The following GABRA3 variants were observed in gnomAD, a reference collection of about 807,000 sequenced individuals.
The protein encoded by GABRA3 is gamma-aminobutyric acid receptor subunit alpha-3.
Under a neutral mutation model 30.1 loss-of-function variants are expected in GABRA3, and 10 were observed. That is an observed-to-expected ratio of 0.33 (90% CI 0.20 to 0.56). The LOEUF (loss-of-function observed/expected upper bound fraction) is 0.56. Ranked by LOEUF, GABRA3 falls within the 20% of genes least tolerant of loss-of-function variation. The pLI is 0.89. For synonymous variants in GABRA3, 151 were observed against 146.8 expected, an observed-to-expected ratio of 1.03 and a Z score of -0.21; for missense variants, 233 against 392.0, an observed-to-expected ratio of 0.59 and a Z score of 3.42.
At chrX:152,237,720 T>G (rs1184407614) in intron 5 of GABRA3, among the ~76,000 whole-genome samples, 2 of 105,714 alleles carry the variant, frequency 1.9e-5, no homozygotes, top group Non-Finnish European at 1.9e-5. Context: ...CCCTTGTAAG[T>G]TGGATTCCTA....
intron 9 of GABRA3, among the ~76,000 whole-genome samples, chrX:152,174,547 A>C (rs1222937482): frequency 8.9e-6 from 1 of 112,135 alleles, no homozygotes; most frequent in Non-Finnish European, 1.9e-5. Flanking sequence ...GCCAGTGATG[A>C]TGAGCATTTT....
At chrX:152,419,732 A>G (rs1197028543) in intron 1 of GABRA3, among the ~76,000 whole-genome samples, 1 of 110,425 alleles carries the variant, frequency 9.1e-6, no homozygotes, top group Non-Finnish European at 1.9e-5. Flanking sequence ...GAATGTAAAG[A>G]AAAAAAAATA....
intron 5 of GABRA3, among the ~76,000 whole-genome samples, chrX:152,238,900 C>G (rs1178783266): frequency 1.2e-4 from 13 of 111,257 alleles, no homozygotes; most frequent in African/African-American, 4.3e-4. Context: ...CTTCATTAGC[C>G]TTGCTAGTGG....
chrX:152,252,650 CTTTAA>C (rs1393216917), intron 5 of GABRA3, among the ~76,000 whole-genome samples: 3 of 111,582 alleles, frequency 2.7e-5, no homozygotes, highest in Admixed American at 1.9e-4. Flanking sequence ...TGTTTTGAAA[CTTTAA>C]TTTATCAGTC....
At chrX:152,264,340 G>A (rs1057375550) in intron 4 of GABRA3, among the ~76,000 whole-genome samples, 2 of 111,467 alleles carry the variant, frequency 1.8e-5, no homozygotes, top group South Asian at 7.4e-4. Context: ...AAAAGTGGGG[G>A]AACAAATAAG....
chrX:152,237,987 C>T (rs915684813), intron 5 of GABRA3, among the ~76,000 whole-genome samples: 50 of 109,839 alleles, frequency 4.6e-4, no homozygotes, highest in African/African-American at 1.7e-3. Flanking sequence ...CCTTTATTTC[C>T]TTCTCCTGCC....
intron 1 of GABRA3, among the ~76,000 whole-genome samples, chrX:152,383,407 A>AG (rs1929202479): frequency 9.7e-6 from 1 of 103,227 alleles, no homozygotes; most frequent in African/African-American, 3.7e-5. Context: ...AAAAAAAAAA[A>AG]AAAGAAAGAA....
At chrX:152,237,206 C>T (rs1175691466) in intron 5 of GABRA3, among the ~76,000 whole-genome samples, 1 of 111,398 alleles carries the variant, frequency 9.0e-6, no homozygotes, top group Non-Finnish European at 1.9e-5. Flanking sequence ...TTTCAGCTTT[C>T]TCCATATGGC....
chrX:152,421,987 G>A lies in GABRA3; in HGVS notation c.-27+29159C>T, dbSNP rs192214327. On this transcript the variant is annotated intron_variant, in intron 1 of 9. Transcript: ENST00000370314. Reference sequence around the variant, plus strand: ...TGAACAAAAACTTTGGAAACTTCTTGGCAGTATCTAATAAGTTGAAAATAT... The same window carrying A: ...TGAACAAAAACTTTGGAAACTTCTTAGCAGTATCTAATAAGTTGAAAATAT... Among the ~76,000 whole-genome samples, 3 of 111,267 alleles carry A rather than the reference G, an allele frequency of 2.7e-5. No homozygotes were observed. The East Asian group carries it at 8.5e-4, about 31-fold the overall frequency.
intron 3 of GABRA3, among the ~76,000 whole-genome samples, chrX:152,291,662 T>C (rs1257141196): frequency 9.0e-6 from 1 of 111,343 alleles, no homozygotes; most frequent in Non-Finnish European, 1.9e-5. Flanking sequence ...CATAAATAGC[T>C]CTTATTATTT....
At chrX:152,252,576 T>A (rs1938574692) in intron 5 of GABRA3, among the ~76,000 whole-genome samples, 1 of 111,694 alleles carries the variant, frequency 9.0e-6, no homozygotes, top group Non-Finnish European at 1.9e-5. Flanking sequence ...ATATTTTAAG[T>A]ACTATATTGA....
intron 2 of GABRA3, among the ~76,000 whole-genome samples, chrX:152,347,559 C>T (rs1299965328): frequency 9.0e-6 from 1 of 111,209 alleles, no homozygotes; most frequent in African/African-American, 3.3e-5. Context: ...TTTCATATTG[C>T]ATGCCTGTAT....
intron 1 of GABRA3, among the ~76,000 whole-genome samples, chrX:152,365,359 C>T (rs1446818222): frequency 2.7e-5 from 3 of 111,717 alleles, no homozygotes; most frequent in Non-Finnish European, 5.6e-5. Context: ...TCCAAGCCTA[C>T]TTCCTGACAC....
Position 152,442,838 on chromosome X carries a change from A to G in GABRA3, c.-27+8308T>C, listed in dbSNP as rs770048047. On this transcript the variant is annotated intron_variant, in intron 1 of 9. Transcript: ENST00000370314. ...AATTGGCAGGGAAAACAATTTAGAA[A>G]ATTACCTCACACTACACAGCAAAAT... is the stretch of plus-strand genomic sequence containing the variant. Among the ~76,000 whole-genome samples, 13 of 111,951 alleles carry G rather than the reference A, an allele frequency of 1.2e-4. No individual in the cohort carries two copies. In the East Asian group the frequency reaches 3.3e-3, roughly 29 times the overall value.
chrX:152,318,941 C>T (rs1042936219), intron 3 of GABRA3, among the ~76,000 whole-genome samples: 2 of 111,086 alleles, frequency 1.8e-5, no homozygotes, highest in African/African-American at 3.3e-5. Flanking sequence ...ACAAGGATGC[C>T]CATTCTCACC....
At chrX:152,231,310 TAC>T (rs1188901026) in intron 5 of GABRA3, among the ~76,000 whole-genome samples, 2 of 108,675 alleles carry the variant, frequency 1.8e-5, no homozygotes. Flanking sequence ...TACGTGTGTG[TAC>T]ACGTGTGTGT....
At chrX:152,429,283 C>G (rs1930593074) in intron 1 of GABRA3, among the ~76,000 whole-genome samples, 1 of 109,901 alleles carries the variant, frequency 9.1e-6, no homozygotes, top group African/African-American at 3.3e-5. Context: ...CTCTCTCTCC[C>G]TCCCTCCCTC....
At chrX:152,176,106 A>AG (rs1425244093) in intron 9 of GABRA3, among the ~76,000 whole-genome samples, 4 of 106,679 alleles carry the variant, frequency 3.7e-5, no homozygotes, top group African/African-American at 1.0e-4. Context: ...ATAAATAAAT[A>AG]AATAGAATCA....
rs368073474 is a variant in GABRA3, at chrX:152,284,704, G to A, written c.294C>T (p.Tyr98=). Residue 98 remains tyrosine, a synonymous_variant, in exon 4 of 10, where the codon TAC becomes TAT. Transcript: ENST00000370314. ...CTGACACAGGGCCAAAACTGGTCAC[G>A]TAGATGTCAGTCTTCACTTCAGTCA... ...DAVTEVKTDI[Y]VTSFGPVSDT... 7.5e-5 allele frequency: 89 copies of A among 1,189,712 alleles called. No individual in the cohort carries two copies. The highest frequency in any genetic ancestry group is 8.9e-5 in the Non-Finnish European group (78 of 880,652).
Sources: allele counts gnomAD v4.1 joint callset (sites outside exome capture counted in the v4.1 genomes callset), GRCh38; gene constraint gnomAD v4.1.1; transcripts MANE v1.5; gene names NCBI Gene and HGNC (gene_info 2026-07-23, HGNC 2026-07-21).